The following SPIRE1 variants were observed in gnomAD, a reference collection of about 807,000 sequenced individuals.
SPIRE1 encodes the protein protein spire homolog 1.
SPIRE1 carries 40 observed loss-of-function variants against 94.1 expected under a neutral mutation model. That is an observed-to-expected ratio of 0.43 (90% CI 0.33 to 0.55). SPIRE1 has a LOEUF of 0.55. SPIRE1 is among the 20% of genes least tolerant of loss of function. SPIRE1 has a pLI of 0.06. For missense variants in SPIRE1, 838 were observed against 975.2 expected, an observed-to-expected ratio of 0.86 and a Z score of 1.87; for synonymous variants, 376 against 371.7, an observed-to-expected ratio of 1.01 and a Z score of -0.13.
At chr18:12,597,391 G>A (rs1243421614) in intron 2 of SPIRE1, among the ~76,000 whole-genome samples, 1 of 152,108 alleles carries the variant, frequency 6.6e-6, no homozygotes, top group Non-Finnish European at 1.5e-5. Context: ...TGGTGGGAGA[G>A]GGGCGTTACT....
intron 7 of SPIRE1, 128 bp downstream of exon 7, chr18:12,495,888 C>T: frequency 1.5e-6 from 1 of 666,744 alleles, no homozygotes; most frequent in Non-Finnish European, 2.6e-6. Flanking sequence ...TACAGCTGGG[C>T]TTCATCTTCA....
chr18:12,555,952 G>A (rs541382853), intron 2 of SPIRE1, among the ~76,000 whole-genome samples: 1 of 152,022 alleles, frequency 6.6e-6, no homozygotes, highest in Non-Finnish European at 1.5e-5. Context: ...AAATCTATTA[G>A]AATTGATAAA....
chr18:12,610,916 C>T (rs1367939019), intron 2 of SPIRE1, among the ~76,000 whole-genome samples: 1 of 152,148 alleles, frequency 6.6e-6, no homozygotes. Flanking sequence ...TTTTGACACA[C>T]ATACTGTCTT....
intron 10 of SPIRE1, among the ~76,000 whole-genome samples, chr18:12,467,689 C>T (rs1455721574): frequency 2.6e-5 from 4 of 152,310 alleles, no homozygotes; most frequent in East Asian, 1.9e-4. Flanking sequence ...CAGTGGTTCA[C>T]GCCTGTAATC....
chr18:12,618,069 G>C (rs1291467616), intron 2 of SPIRE1, among the ~76,000 whole-genome samples: 1 of 151,938 alleles, frequency 6.6e-6, no homozygotes, highest in Non-Finnish European at 1.5e-5. Flanking sequence ...TTTCCCCCTA[G>C]ATAACAGGTT....
intron 7 of SPIRE1, among the ~76,000 whole-genome samples, chr18:12,494,319 T>A (rs2033355127): frequency 6.6e-6 from 1 of 152,066 alleles, no homozygotes; most frequent in Admixed American, 6.5e-5. Context: ...AAATAAAGGC[T>A]CTGGGAGGCT....
At chr18:12,460,975 A>G (rs999965149) in intron 12 of SPIRE1, among the ~76,000 whole-genome samples, 3 of 152,244 alleles carry the variant, frequency 2.0e-5, no homozygotes, top group African/African-American at 7.2e-5. Context: ...CCTGCCCTCA[A>G]TCTGACCACT....
At chr18:12,485,239 G>C (rs1473115715) in intron 9 of SPIRE1, among the ~76,000 whole-genome samples, 2 of 151,834 alleles carry the variant, frequency 1.3e-5, no homozygotes, top group Non-Finnish European at 1.5e-5. Context: ...CAAGCAGCTG[G>C]GACTACAGGT....
intron 5 of SPIRE1, among the ~76,000 whole-genome samples, chr18:12,510,979 G>C (rs1163269799): frequency 6.6e-6 from 1 of 152,086 alleles, no homozygotes; most frequent in Non-Finnish European, 1.5e-5. Flanking sequence ...AAAAACTGTA[G>C]ATATTCATGT....
At chr18:12,648,550 T>C (rs1222978791) in intron 1 of SPIRE1, among the ~76,000 whole-genome samples, 1 of 151,922 alleles carries the variant, frequency 6.6e-6, no homozygotes, top group Non-Finnish European at 1.5e-5. Flanking sequence ...GGAGATATGA[T>C]GACTAAATGC....
chr18:12,469,700 A>G (rs1598901724), intron 10 of SPIRE1, among the ~76,000 whole-genome samples: 1 of 143,852 alleles, frequency 7.0e-6, no homozygotes, highest in Admixed American at 7.3e-5. Flanking sequence ...AATTTGTATA[A>G]TTTATATAAA....
chr18:12,657,723 C>T lies in SPIRE1; in HGVS notation c.144G>A (p.Leu48=). 7.1e-7 allele frequency: 1 copy of T among 1,404,694 alleles called. No individual in the cohort carries two copies. The allele number at this position is 1,404,694 out of a possible 1,614,324, so 87.0% of individuals were successfully genotyped here. A position where few individuals can be genotyped will look rare whatever the true frequency, so the allele number is the denominator to read the frequency against. Residue 48 remains leucine (L), a synonymous_variant, in exon 1 of 17, where the codon CTG becomes CTA. Coordinates refer to ENST00000409402, the MANE Select transcript of SPIRE1 (RefSeq NM_001128626.2). ...DALSLEEILR[L]YNQPINEEQA... ...GCTCCTCGTTGATGGGCTGGTTGTACAGCCGCAGGATCTCCTCCAGGCTCA... is the reference window on the plus strand; with the variant it reads ...GCTCCTCGTTGATGGGCTGGTTGTATAGCCGCAGGATCTCCTCCAGGCTCA...
At chr18:12,510,054 C>T (rs2155699) in intron 5 of SPIRE1, among the ~76,000 whole-genome samples, 5,707 of 150,794 alleles carry the variant, frequency 0.038, 128 homozygotes, top group South Asian at 0.088. Flanking sequence ...CACTGTACTC[C>T]AGCCTGGGCG....
At chr18:12,529,707 T>C (rs1041786074) in intron 4 of SPIRE1, among the ~76,000 whole-genome samples, 2 of 152,170 alleles carry the variant, frequency 1.3e-5, no homozygotes, top group Admixed American at 6.5e-5. Context: ...TCTACCTTAA[T>C]TTGGGTGATG....
At chr18:12,480,522 G>T (rs1042309104) in intron 9 of SPIRE1, among the ~76,000 whole-genome samples, 2 of 152,182 alleles carry the variant, frequency 1.3e-5, no homozygotes, top group Admixed American at 1.3e-4. Flanking sequence ...ACTAACAGAC[G>T]TGGGCTTGTT....
chr18:12,476,555 AAAAAAAAAAATATAT>A (rs1414786303), intron 10 of SPIRE1, among the ~76,000 whole-genome samples: 1,967 of 92,688 alleles, frequency 0.021, 61 homozygotes, highest in African/African-American at 0.1. Flanking sequence ...AAAAAAAAAA[AAAAAAAAAAATATAT>A]ATATATATAT....
intron 10 of SPIRE1, among the ~76,000 whole-genome samples, chr18:12,476,557 A>T (rs2032590054): frequency 1.2e-5 from 1 of 84,354 alleles, no homozygotes; most frequent in African/African-American, 6.5e-5. Flanking sequence ...AAAAAAAAAA[A>T]AAAAAAAATA....
chr18:12,584,259 G>A lies in SPIRE1; in HGVS notation c.373-37355C>T, dbSNP rs28734798. ...AGCCTGGCCAACATGGTGAAACCCCGTCTCTACTAAAACTTCAAAAATTAG... is the reference window on the plus strand; with the variant it reads ...AGCCTGGCCAACATGGTGAAACCCCATCTCTACTAAAACTTCAAAAATTAG... On this transcript the variant is annotated intron_variant, in intron 2 of 16. Coordinates refer to ENST00000409402, the MANE Select transcript of SPIRE1 (RefSeq NM_001128626.2). 2.5e-3 allele frequency among the ~76,000 whole-genome samples: 379 copies of A among 151,776 alleles called. 3 individuals carry two copies. Among genetic ancestry groups the A allele is most frequent in the African/African-American group, 8.8e-3 (364 of 41,356 alleles).
At chr18:12,548,641 T>G (rs530529581) in intron 2 of SPIRE1, among the ~76,000 whole-genome samples, 1 of 151,150 alleles carries the variant, frequency 6.6e-6, no homozygotes, top group African/African-American at 2.4e-5. Context: ...AGACAAGGTC[T>G]CACTCTGTCA....
Sources: allele counts gnomAD v4.1 joint callset (sites outside exome capture counted in the v4.1 genomes callset), GRCh38; gene constraint gnomAD v4.1.1; transcripts MANE v1.5; gene names NCBI Gene and HGNC (gene_info 2026-07-23, HGNC 2026-07-21).